ATP10D: variants seen among roughly 807,000 people sequenced by gnomAD.
ATP10D encodes the protein ATPase phospholipid transporting 10D (putative).
ATP10D carries 89 observed loss-of-function variants against 144.8 expected under a neutral mutation model. The observed-to-expected ratio is 0.61, with a 90% CI of 0.52 to 0.73. ATP10D has a LOEUF of 0.73. ATP10D is among the 30% of genes least tolerant of loss of function. ATP10D has a pLI of 0.00. For synonymous variants in ATP10D, 571 were observed against 615.1 expected, an observed-to-expected ratio of 0.93 and a Z score of 1.06; for missense variants, 1,603 against 1,714.8, an observed-to-expected ratio of 0.93 and a Z score of 1.15.
intron 22 of ATP10D, among the ~76,000 whole-genome samples, chr4:47,587,643 C>T (rs1408371585): frequency 3.3e-5 from 5 of 152,098 alleles, no homozygotes; most frequent in East Asian, 3.8e-4. Context: ...GAAGATTTGA[C>T]GATCCCAATT....
intron 18 of ATP10D, among the ~76,000 whole-genome samples, chr4:47,573,441 T>G (rs1169419336): frequency 6.6e-6 from 1 of 152,212 alleles, no homozygotes; most frequent in African/African-American, 2.4e-5. Context: ...GATGAAAACC[T>G]AGTATGTCTT....
chr4:47,496,270 G>T (rs1334578655), intron 1 of ATP10D, among the ~76,000 whole-genome samples: 1 of 148,570 alleles, frequency 6.7e-6, no homozygotes, highest in African/African-American at 2.5e-5. Flanking sequence ...CCATTCTCCT[G>T]CCTCAGCCTC....
chr4:47,587,929 G>A (rs1175950606), intron 22 of ATP10D, among the ~76,000 whole-genome samples: 3 of 152,132 alleles, frequency 2.0e-5, no homozygotes, highest in Non-Finnish European at 4.4e-5. Flanking sequence ...CTGTATACAG[G>A]AATGGGAAAG....
intron 3 of ATP10D, among the ~76,000 whole-genome samples, chr4:47,520,281 C>T (rs1716877673): frequency 6.6e-6 from 1 of 152,170 alleles, no homozygotes; most frequent in East Asian, 1.9e-4. Flanking sequence ...TTTCTTCTGA[C>T]CTTAGATGAA....
At chr4:47,518,079 T>A (rs1716774868) in intron 3 of ATP10D, among the ~76,000 whole-genome samples, 1 of 152,192 alleles carries the variant, frequency 6.6e-6, no homozygotes, top group Non-Finnish European at 1.5e-5. Flanking sequence ...AACCATGCCT[T>A]GTTGATTTAA....
At chr4:47,555,352 G>A (rs11723676) in intron 11 of ATP10D, among the ~76,000 whole-genome samples, 35,845 of 152,160 alleles carry the variant, frequency 0.24, 4,222 homozygotes, top group Admixed American at 0.3. Flanking sequence ...CAACCCGTCT[G>A]TGGAAAATTG....
At position 47,512,744 on chromosome 4, in the gene ATP10D, C is replaced by T. The variant is rs771018115; in HGVS notation, c.204C>T (p.Ser68=). The change falls in exon 2 of 23, where the codon TCC becomes TCT. Residue 68 remains serine (S), a synonymous_variant. Transcript: ENST00000273859. ...TCAAGGATGAGTATGAGAAGTTCTCCGGAGCCTATGTGAACAATCGAATAC... is the reference window on the plus strand; with the variant it reads ...TCAAGGATGAGTATGAGAAGTTCTCTGGAGCCTATGTGAACAATCGAATAC... ...QPFKDEYEKF[S]GAYVNNRIRT... is the part of the protein sequence containing the mutation. 3.3e-5 allele frequency: 54 copies of T among 1,614,042 alleles called. No homozygotes were observed. Among genetic ancestry groups the T allele is most frequent in the East Asian group, 3.3e-4 (15 of 44,890 alleles).
chr4:47,584,085 A>G (rs1391095251), intron 21 of ATP10D, among the ~76,000 whole-genome samples: 1 of 152,178 alleles, frequency 6.6e-6, no homozygotes, highest in East Asian at 1.9e-4. Flanking sequence ...AAAGATAAAC[A>G]GAGACTGCTG....
intron 17 of ATP10D, among the ~76,000 whole-genome samples, chr4:47,572,548 C>T (rs1344792194): frequency 6.6e-6 from 1 of 150,670 alleles, no homozygotes; most frequent in African/African-American, 2.5e-5. Flanking sequence ...GAATGAAGGA[C>T]CTAAAGATCT....
intron 15 of ATP10D, 80 bp downstream of exon 15, chr4:47,563,845 TAA>T (rs71951443): frequency 9.3e-6 from 11 of 1,182,572 alleles, no homozygotes; most frequent in Admixed American, 2.9e-5. Flanking sequence ...ATGCAAGGAT[TAA>T]AAAAAAAACA....
chr4:47,512,015 G>A (rs1027847278), intron 1 of ATP10D, among the ~76,000 whole-genome samples: 2 of 152,222 alleles, frequency 1.3e-5, no homozygotes, highest in Non-Finnish European at 2.9e-5. Flanking sequence ...CCTCTTGATT[G>A]GCAGAGAGTT....
chr4:47,571,651 T>C lies in ATP10D; in HGVS notation c.3164-503T>C, dbSNP rs539422300. 3.3e-5 allele frequency among the ~76,000 whole-genome samples: 5 copies of C among 152,306 alleles called. No homozygotes were observed. In the South Asian group the frequency reaches 1.0e-3, roughly 32 times the overall value. On this transcript the variant is annotated intron_variant, in intron 16 of 22. Coordinates refer to ENST00000273859, the MANE Select transcript of ATP10D (RefSeq NM_020453.4). Reference sequence around the variant, plus strand: ...CTGTGTTGGGGGAGACCAGTAAGTCTGTATGCAACCATGATACTGTGTGAT... The same window carrying C: ...CTGTGTTGGGGGAGACCAGTAAGTCCGTATGCAACCATGATACTGTGTGAT...
intron 1 of ATP10D, among the ~76,000 whole-genome samples, chr4:47,488,612 C>CAAA (rs56859197): frequency 2.0e-4 from 18 of 91,302 alleles, no homozygotes; most frequent in Non-Finnish European, 2.0e-4. Context: ...ATATAATAAG[C>CAAA]AAAAAAAAAA....
At chr4:47,559,957 G>A (rs559774705) in intron 13 of ATP10D, among the ~76,000 whole-genome samples, 7 of 152,198 alleles carry the variant, frequency 4.6e-5, no homozygotes, top group South Asian at 2.1e-4. Flanking sequence ...CTGAGATTGC[G>A]CCACTGCACT....
In ATP10D at chr4:47,571,053, C is replaced by T. The variant is rs560348350; in HGVS notation, c.3164-1101C>T. Among the ~76,000 whole-genome samples, 25 of 151,962 alleles carry T rather than the reference C, an allele frequency of 1.6e-4. 1 individual carries two copies. The South Asian group carries it at 3.1e-3, about 19-fold the overall frequency. On this transcript the variant is annotated intron_variant, in intron 16 of 22. Coordinates refer to ENST00000273859, the MANE Select transcript of ATP10D (RefSeq NM_020453.4). Reference sequence around the variant, plus strand: ...TGTAGCCACTAAAACTCCTGGGTTTCCATCCTATCCTATTAACAACTTGGG... The same window carrying T: ...TGTAGCCACTAAAACTCCTGGGTTTTCATCCTATCCTATTAACAACTTGGG...
At chr4:47,514,509 A>G (rs4695240) in intron 2 of ATP10D, among the ~76,000 whole-genome samples, 40,372 of 152,130 alleles carry the variant, frequency 0.27, 5,902 homozygotes, top group Admixed American at 0.33. Context: ...TTCATGGTCA[A>G]TGGAAAAATA....
Position 47,561,059 on chromosome 4 carries a change from C to T in ATP10D, c.2652C>T (p.Asn884=). 6.2e-7 allele frequency: 1 copy of T among 1,614,156 alleles called. No homozygotes were observed. The highest frequency in any genetic ancestry group is 8.5e-7 in the Non-Finnish European group (1 of 1,180,006). The change falls in exon 14 of 23, where the codon AAC becomes AAT. Residue 884 remains asparagine (N), a synonymous_variant. Coordinates refer to ENST00000273859, the MANE Select transcript of ATP10D (RefSeq NM_020453.4). ...TTGAATCTGCCATGAGGTTGGAGAA[C>T]AAACTTACATTACTTGGTAGGTGAA... ...LLLESAMRLE[N]KLTLLGATGI...
intron 10 of ATP10D, chr4:47,547,099 A>G (rs1461996584): frequency 1.9e-6 from 1 of 523,420 alleles, no homozygotes; most frequent in African/African-American, 1.9e-5. Flanking sequence ...TGAAAAAAAA[A>G]AAGGAGAATA....
At chr4:47,547,833 C>A (rs1436794400) in intron 10 of ATP10D, among the ~76,000 whole-genome samples, 1 of 152,132 alleles carries the variant, frequency 6.6e-6, no homozygotes, top group South Asian at 2.1e-4. Flanking sequence ...ATAATTACAG[C>A]AACTGGAGTG....
Sources: allele counts gnomAD v4.1 joint callset (sites outside exome capture counted in the v4.1 genomes callset), GRCh38; gene constraint gnomAD v4.1.1; transcripts MANE v1.5; gene names NCBI Gene and HGNC (gene_info 2026-07-23, HGNC 2026-07-21).